The following FPR3 variants were observed in gnomAD, a reference collection of about 807,000 sequenced individuals.
The protein encoded by FPR3 is formyl peptide receptor 3.
For missense variants in FPR3, 346 were observed against 443.2 expected (o/e 0.78, Z 1.97); for synonymous variants, 135 against 163.6 (o/e 0.83, Z 1.34).
chr19:51,815,491 C>T (rs752689427), intron 1 of FPR3, among the ~76,000 whole-genome samples: 2 of 151,626 alleles, frequency 1.3e-5, no homozygotes, highest in Non-Finnish European at 2.9e-5. Context: ...ACTGCTTGAA[C>T]CTGGGAGGTG....
chr19:51,808,953 T>C (rs1333949465), intron 1 of FPR3, among the ~76,000 whole-genome samples: 1 of 152,204 alleles, frequency 6.6e-6, no homozygotes, highest in African/African-American at 2.4e-5. Context: ...GCCATTCTAA[T>C]AGTGAGGCAG....
At position 51,824,363 on chromosome 19, in the gene FPR3, C is replaced by G. The variant is rs1427762518; in HGVS notation, c.615C>G (p.His205Gln). Reference sequence around the variant, plus strand: ...TGGCCAAGGTCTTTCTGATCCTCCACTTCATTATTGGCTTCAGCGTGCCTA... The same window carrying G: ...TGGCCAAGGTCTTTCTGATCCTCCAGTTCATTATTGGCTTCAGCGTGCCTA... ...ITMAKVFLIL[H>Q]FIIGFSVPMS... The change falls in exon 2 of 2, where the codon CAC becomes CAG. Residue 205 changes from histidine (H) to glutamine (Q), a missense_variant. Coordinates refer to ENST00000339223, the MANE Select transcript of FPR3 (RefSeq NM_002030.5). The surrounding 1 kb of genome is among the most constrained non-coding windows in gnomAD (Gnocchi z 4.7). 9 of 1,614,174 alleles carry G rather than the reference C, an allele frequency of 5.6e-6. No individual in the cohort carries two copies. The highest frequency in any genetic ancestry group is 7.6e-6 in the Non-Finnish European group (9 of 1,180,010).
intron 1 of FPR3, among the ~76,000 whole-genome samples, chr19:51,823,422 G>A (rs1265472561): frequency 1.3e-5 from 2 of 152,148 alleles, no homozygotes; most frequent in Non-Finnish European, 2.9e-5. Context: ...CCTTCCTCAC[G>A]AAGCTGAAGC....
intron 1 of FPR3, among the ~76,000 whole-genome samples, chr19:51,810,459 C>T (rs370927236): frequency 1.3e-5 from 2 of 152,196 alleles, no homozygotes; most frequent in Non-Finnish European, 2.9e-5. Context: ...GGGACTCCCT[C>T]TTCAGGAATT....
intron 1 of FPR3, among the ~76,000 whole-genome samples, chr19:51,807,989 C>T (rs2084071584): frequency 6.6e-6 from 1 of 152,106 alleles, no homozygotes; most frequent in Admixed American, 6.5e-5. Flanking sequence ...TAAACTGGCC[C>T]AAAAGTCCTG....
chr19:51,814,641 G>T (rs1451725301), intron 1 of FPR3, among the ~76,000 whole-genome samples: 1 of 151,740 alleles, frequency 6.6e-6, no homozygotes, highest in Non-Finnish European at 1.5e-5. Flanking sequence ...CTACAGGCAT[G>T]TGCCATTCTG....
chr19:51,824,921 A>G lies in FPR3; in HGVS notation c.*111A>G. The G allele has an allele frequency of 3.5e-6, 3 of 847,730 alleles. No homozygotes were observed. Among genetic ancestry groups the G allele is most frequent in the Non-Finnish European group, 3.7e-6 (2 of 547,000 alleles). The allele number at this position is 847,730 out of a possible 1,614,324, so 52.5% of individuals were successfully genotyped here. ...CATACCACCACCACCACAATCATCA[A>G]CATAAAGGAAGTCTGTACCAAATCT... On this transcript the variant is annotated 3_prime_UTR_variant, in exon 2 of 2. Coordinates refer to ENST00000339223, the MANE Select transcript of FPR3 (RefSeq NM_002030.5). This position sits in a 1 kb window ranked among gnomAD's most constrained non-coding sequence, Gnocchi z 4.7.
intron 1 of FPR3, among the ~76,000 whole-genome samples, chr19:51,800,957 TG>T (rs1187498955): frequency 6.6e-6 from 1 of 152,184 alleles, no homozygotes. Context: ...TGTCTTGTAA[TG>T]GGTCCTTCCC....
rs374249704 is a variant in FPR3 at position 51,824,857 on chromosome 19, C to T, written c.*47C>T. 1.4e-4 allele frequency: 202 copies of T among 1,430,600 alleles called. No homozygotes were observed. The highest frequency in any genetic ancestry group is 1.7e-4 in the Non-Finnish European group (181 of 1,064,604). 88.6% of individuals were successfully genotyped at this position (1,430,600 alleles called of 1,614,324 possible). On this transcript the variant is annotated 3_prime_UTR_variant, in exon 2 of 2. Transcript: ENST00000339223. This position sits in a 1 kb window ranked among gnomAD's most constrained non-coding sequence, Gnocchi z 4.7. ...CTGTCTCTTTCTACCCTGCGTTAAGCGGAAAAAAAAAATTCTGACAGTGTT... is the reference window on the plus strand; with the variant it reads ...CTGTCTCTTTCTACCCTGCGTTAAGTGGAAAAAAAAAATTCTGACAGTGTT...
chr19:51,814,955 G>A (rs907705338), intron 1 of FPR3, among the ~76,000 whole-genome samples: 7 of 151,800 alleles, frequency 4.6e-5, no homozygotes, highest in Admixed American at 1.3e-4. Flanking sequence ...GACTACAGCC[G>A]CCTGCCACCA....
intron 1 of FPR3, among the ~76,000 whole-genome samples, chr19:51,800,668 T>C (rs2084022639): frequency 6.6e-6 from 1 of 152,188 alleles, no homozygotes; most frequent in African/African-American, 2.4e-5. Context: ...CGAAACCCCA[T>C]GGAATGTTTC....
chr19:51,806,972 A>G (rs2084063262), intron 1 of FPR3, among the ~76,000 whole-genome samples: 1 of 152,242 alleles, frequency 6.6e-6, no homozygotes, highest in Non-Finnish European at 1.5e-5. Context: ...GCCAATTAAT[A>G]TCTCCTAATA....
chr19:51,824,133 C>T lies in FPR3; in HGVS notation c.385C>T (p.His129Tyr), dbSNP rs138939061. ...IALDRCICVL[H>Y]PAWAQNHRTM... ...TCTGGACCGCTGTATTTGTGTCCTG[C>T]ATCCAGCCTGGGCCCAGAACCATCG... is the stretch of plus-strand genomic sequence containing the variant. Residue 129 changes from histidine (H) to tyrosine (Y), a missense_variant, in exon 2 of 2, where the codon CAT (histidine) becomes TAT (tyrosine). Physicochemically the swap from His to Tyr is moderately conservative, Grantham distance 83. Transcript: ENST00000339223. This position sits in a 1 kb window ranked among gnomAD's most constrained non-coding sequence, Gnocchi z 4.7. The T allele has an allele frequency of 5.6e-6, 9 of 1,613,680 alleles. No homozygotes were observed. The highest frequency in any genetic ancestry group is 5.5e-5 in the South Asian group (5 of 91,020).
At position 51,824,213 on chromosome 19, in the gene FPR3, C is replaced by T. The variant is rs867540614; in HGVS notation, c.465C>T (p.Val155=). 6.2e-7 allele frequency: 1 copy of T among 1,614,132 alleles called. No individual in the cohort carries two copies. Among genetic ancestry groups the T allele is most frequent in the Non-Finnish European group, 8.5e-7 (1 of 1,180,018 alleles). The part of the protein sequence containing the change: ...VMTGLWIFTI[V]LTLPNFIFWT... ...CGGGACTCTGGATTTTCACCATAGTCCTTACCTTACCAAATTTCATCTTCT... is the reference window on the plus strand; with the variant it reads ...CGGGACTCTGGATTTTCACCATAGTTCTTACCTTACCAAATTTCATCTTCT... The change falls in exon 2 of 2, where the codon GTC becomes GTT. Residue 155 remains valine (V), a synonymous_variant. Transcript: ENST00000339223. The surrounding 1 kb of genome is among the most constrained non-coding windows in gnomAD (Gnocchi z 4.7).
chr19:51,815,340 T>A (rs1003016009), intron 1 of FPR3, among the ~76,000 whole-genome samples: 1 of 151,960 alleles, frequency 6.6e-6, no homozygotes, highest in Non-Finnish European at 1.5e-5. Context: ...GGTGGGTGGA[T>A]CTCAAAGTCA....
chr19:51,814,442 G>A (rs556854689), intron 1 of FPR3, among the ~76,000 whole-genome samples: 10 of 152,228 alleles, frequency 6.6e-5, no homozygotes, highest in East Asian at 1.9e-4. Flanking sequence ...ATTGGATAAC[G>A]GGTACTCTCT....
intron 1 of FPR3, among the ~76,000 whole-genome samples, chr19:51,812,259 A>G (rs986729081): frequency 4.6e-5 from 7 of 152,232 alleles, no homozygotes; most frequent in Non-Finnish European, 1.0e-4. Context: ...AATGGCCTTC[A>G]ATAATTAAAA....
chr19:51,811,610 G>A (rs1287002602), intron 1 of FPR3: 1 of 152,220 alleles, frequency 6.6e-6, no homozygotes, highest in Non-Finnish European at 1.5e-5. Context: ...AGTGCCACTT[G>A]TAGAGCCCCT....
intron 1 of FPR3, among the ~76,000 whole-genome samples, chr19:51,808,582 A>G (rs960759066): frequency 2.0e-5 from 3 of 152,212 alleles, no homozygotes; most frequent in Admixed American, 6.6e-5. Flanking sequence ...TGATAATGAG[A>G]AACAGGTTCT....
Sources: gnomAD v4.1 joint callset for allele counts (sites outside exome capture counted in the v4.1 genomes callset) on GRCh38, gnomAD v4.1.1 for gene constraint, Gnocchi (gnomAD v3.1) non-coding constraint, MANE v1.5 for transcripts, NCBI Gene and HGNC (gene_info 2026-07-23, HGNC 2026-07-21) for gene names.